Variants in SEMA3D observed in about 807,000 individuals in gnomAD.
SEMA3D encodes the protein semaphorin 3D, also known as semaphorin-3D.
In SEMA3D, 84 loss-of-function variants were observed where a neutral mutation model predicts 100.1. The observed-to-expected ratio is 0.84, with a 90% CI of 0.70 to 1.01. The LOEUF is 1.01. SEMA3D is among the 50% of genes least tolerant of loss of function. SEMA3D has a pLI of 0.00. For missense variants in SEMA3D, 875 were observed against 934.1 expected (o/e 0.94, Z 0.82); for synonymous variants, 312 against 320.7 (o/e 0.97, Z 0.29).
the SEMA3D span, among the ~76,000 whole-genome samples, chr7:85,244,697 T>C: frequency 6.7e-6 from 1 of 148,972 alleles, no homozygotes; most frequent in Non-Finnish European, 1.5e-5. Flanking sequence ...ATCCCGGATG[T>C]ACTGCACAAT....
In SEMA3D at chr7:84,997,803, T is replaced by A. The variant is rs1237151955; in HGVS notation, c.*1637A>T. 2 of 152,366 alleles carry A rather than the reference T, an allele frequency of 1.3e-5. No homozygotes were observed. The highest frequency in any genetic ancestry group is 2.9e-5 in the Non-Finnish European group (2 of 67,954). 9.4% of individuals were successfully genotyped at this position (152,366 alleles called of 1,614,324 possible). A position where few individuals can be genotyped will look rare whatever the true frequency, so the allele number is the denominator to read the frequency against. ...CCTTCCATGTGAGGAAGTGACTAAT[T>A]TTTCATTTCACACTATAAAGGGCGT... On this transcript the variant is annotated 3_prime_UTR_variant, in exon 19 of 19. Coordinates refer to ENST00000284136, the MANE Select transcript of SEMA3D (RefSeq NM_001384900.1).
chr7:84,999,347 G>T lies in SEMA3D; in HGVS notation c.*93C>A. 4 of 991,026 alleles carry T rather than the reference G, an allele frequency of 4.0e-6. No homozygotes were observed. The highest frequency in any genetic ancestry group is 2.5e-5 in the East Asian group (1 of 40,410). The allele number at this position is 991,026 out of a possible 1,614,324, so 61.4% of individuals were successfully genotyped here. On this transcript the variant is annotated 3_prime_UTR_variant, in exon 19 of 19. Coordinates refer to ENST00000284136, the MANE Select transcript of SEMA3D (RefSeq NM_001384900.1). ...GTCTTGTGCCTTAGCAAAACTCCATGGGAAGCATTTATGAATTACTATAAG... is the reference window on the plus strand; with the variant it reads ...GTCTTGTGCCTTAGCAAAACTCCATTGGAAGCATTTATGAATTACTATAAG...
intron 8 of SEMA3D, among the ~76,000 whole-genome samples, chr7:85,063,732 GT>G (rs1486267580): frequency 2.0e-5 from 3 of 151,878 alleles, no homozygotes. Flanking sequence ...ACATGCTATT[GT>G]TTTTGTAAGT....
At chr7:85,150,818 G>A (rs1790358747) in intron 2 of SEMA3D, among the ~76,000 whole-genome samples, 2 of 151,936 alleles carry the variant, frequency 1.3e-5, no homozygotes, top group Admixed American at 1.3e-4. Flanking sequence ...CCACAATTAA[G>A]CCACACTGGA....
chr7:85,131,108 C>T (rs2159575), intron 2 of SEMA3D, among the ~76,000 whole-genome samples: 35,513 of 151,918 alleles, frequency 0.23, 4,224 homozygotes, highest in African/African-American at 0.27. Context: ...TCTTAATTTT[C>T]TATTAAAACT....
chr7:85,179,312 G>T (rs894732449), intron 1 of SEMA3D, among the ~76,000 whole-genome samples: 1 of 152,150 alleles, frequency 6.6e-6, no homozygotes, highest in African/African-American at 2.4e-5. Context: ...GACACTCAAT[G>T]CTGACCTGTG....
intron 3 of SEMA3D, among the ~76,000 whole-genome samples, chr7:85,100,857 A>T (rs1371744820): frequency 6.6e-6 from 1 of 151,956 alleles, no homozygotes; most frequent in Non-Finnish European, 1.5e-5. Flanking sequence ...AGAAGACATG[A>T]TATTTGAAAT....
At chr7:85,228,191 G>A in the SEMA3D span, among the ~76,000 whole-genome samples, 1 of 151,904 alleles carries the variant, frequency 6.6e-6, no homozygotes, top group African/African-American at 2.4e-5. Context: ...GATATTTTGA[G>A]GTTTTCTATT....
At chr7:85,078,641 T>A (rs1394276680) in intron 5 of SEMA3D, among the ~76,000 whole-genome samples, 1 of 152,228 alleles carries the variant, frequency 6.6e-6, no homozygotes, top group East Asian at 1.9e-4. Flanking sequence ...TACCCTTCTT[T>A]GGATTAAACT....
intron 1 of SEMA3D, among the ~76,000 whole-genome samples, chr7:85,168,463 A>G (rs933474598): frequency 6.6e-6 from 1 of 151,746 alleles, no homozygotes; most frequent in Admixed American, 6.6e-5. Flanking sequence ...TTTCTAAATT[A>G]GTTGTCAACC....
At chr7:85,204,117 C>A in the SEMA3D span, among the ~76,000 whole-genome samples, 14 of 151,208 alleles carry the variant, frequency 9.3e-5, no homozygotes, top group African/African-American at 1.5e-4. Flanking sequence ...GAAAAAAAAA[C>A]ACTTTTAAAA....
chr7:85,029,599 A>G (rs1221913845), intron 12 of SEMA3D: 2 of 479,402 alleles, frequency 4.2e-6, no homozygotes, highest in Non-Finnish European at 3.9e-6. Context: ...TAGAGTGCAG[A>G]AGGCATGCTA....
At chr7:85,016,964 G>A (rs1177800341) in intron 15 of SEMA3D, among the ~76,000 whole-genome samples, 4 of 151,244 alleles carry the variant, frequency 2.6e-5, no homozygotes, top group African/African-American at 9.7e-5. Context: ...TTCTTAGGAG[G>A]ATATATAAAG....
chr7:85,013,560 A>G (rs1790017419), intron 16 of SEMA3D, among the ~76,000 whole-genome samples: 1 of 151,760 alleles, frequency 6.6e-6, no homozygotes, highest in Non-Finnish European at 1.5e-5. Flanking sequence ...CTCTTACAGC[A>G]TACTTTCATT....
chr7:85,081,859 A>G (rs904813636), intron 4 of SEMA3D, among the ~76,000 whole-genome samples: 1 of 152,208 alleles, frequency 6.6e-6, no homozygotes, highest in Non-Finnish European at 1.5e-5. Flanking sequence ...AAGCTTTATC[A>G]TGATGTCAAC....
chr7:85,053,216 A>G (rs1255434749), intron 9 of SEMA3D, among the ~76,000 whole-genome samples: 1 of 151,950 alleles, frequency 6.6e-6, no homozygotes, highest in African/African-American at 2.4e-5. Context: ...TGTTACTAAA[A>G]AATCTTTGTA....
In SEMA3D at chr7:85,042,245, G is replaced by A. The variant is rs934585699; in HGVS notation, c.902C>T (p.Thr301Met). 6.2e-7 allele frequency: 1 copy of A among 1,613,182 alleles called. No individual in the cohort carries two copies. Among genetic ancestry groups the A allele is most frequent in the Admixed American group, 1.7e-5 (1 of 59,934 alleles). Reference sequence around the variant, plus strand: ...AATCAGTCTGGCCTTAAGAAAAGTCGTCCACTTGTTTATCAGGCTGCGTTG... The same window carrying A: ...AATCAGTCTGGCCTTAAGAAAAGTCATCCACTTGTTTATCAGGCTGCGTTG... ...GGQRSLINKWTTFLKARLICS... is the reference protein window; with the variant it reads ...GGQRSLINKWMTFLKARLICS... Residue 301 changes from threonine to methionine, a missense_variant, in exon 10 of 19, where the codon ACG becomes ATG. Transcript: ENST00000284136.
At chr7:85,180,290 C>T (rs1791364960) in intron 1 of SEMA3D, among the ~76,000 whole-genome samples, 1 of 152,172 alleles carries the variant, frequency 6.6e-6, no homozygotes, top group South Asian at 2.1e-4. Context: ...CTTCTCTCTC[C>T]TGCTGCCATG....
the SEMA3D span, among the ~76,000 whole-genome samples, chr7:85,236,346 T>G: frequency 6.6e-6 from 1 of 151,380 alleles, no homozygotes; most frequent in Non-Finnish European, 1.5e-5. Context: ...CTTGCTCTGT[T>G]GCCCAGGCTG....
Sources: allele counts gnomAD v4.1 joint callset (sites outside exome capture counted in the v4.1 genomes callset), GRCh38; gene constraint gnomAD v4.1.1; transcripts MANE v1.5; gene names NCBI Gene and HGNC (gene_info 2026-07-23, HGNC 2026-07-21).